Variants in PTPRN2 observed in about 807,000 individuals in gnomAD.
PTPRN2 encodes protein tyrosine phosphatase receptor type N2.
A neutral mutation model predicts 118.8 loss-of-function variants in PTPRN2; 74 were observed. That is an observed-to-expected ratio of 0.62 (90% CI 0.52 to 0.76). The LOEUF (loss-of-function observed/expected upper bound fraction) is 0.76. Among genes scored for constraint, PTPRN2 ranks in the 30% least tolerant of loss-of-function variants. The pLI is 0.00. For missense variants in PTPRN2, 1,481 were observed against 1,394.4 expected (o/e 1.06, Z -0.99); for synonymous variants, 641 against 608.0 (o/e 1.05, Z -0.80).
chr7:157,721,051 G>C (rs1369226754), intron 12 of PTPRN2, among the ~76,000 whole-genome samples: 1 of 152,202 alleles, frequency 6.6e-6, no homozygotes, highest in Non-Finnish European at 1.5e-5. Context: ...GACTATCACA[G>C]CCGCTCAGGA....
chr7:158,209,830 CTG>C (rs757186236), intron 3 of PTPRN2, among the ~76,000 whole-genome samples: 11 of 152,112 alleles, frequency 7.2e-5, no homozygotes, highest in South Asian at 4.1e-4. Flanking sequence ...CAAAAACAAA[CTG>C]AAATTATATC....
chr7:157,796,076 C>G (rs561116951), intron 12 of PTPRN2, among the ~76,000 whole-genome samples: 1 of 152,196 alleles, frequency 6.6e-6, no homozygotes, highest in Admixed American at 6.5e-5. Context: ...CGTTCCAGGA[C>G]GTGAGATACG....
intron 12 of PTPRN2, among the ~76,000 whole-genome samples, chr7:157,773,015 C>T (rs1209648752): frequency 6.6e-6 from 1 of 152,152 alleles, no homozygotes; most frequent in East Asian, 1.9e-4. Context: ...AGTGATACAA[C>T]CAGCTTCCCA....
At chr7:158,283,792 A>G (rs1799592212) in intron 3 of PTPRN2, among the ~76,000 whole-genome samples, 1 of 151,986 alleles carries the variant, frequency 6.6e-6, no homozygotes, top group East Asian at 1.9e-4. Flanking sequence ...CCCCTCCCTA[A>G]TGGCCTCCTG....
intron 17 of PTPRN2, among the ~76,000 whole-genome samples, chr7:157,588,536 A>T (rs1053408623): frequency 1.3e-5 from 2 of 152,218 alleles, no homozygotes; most frequent in East Asian, 3.9e-4. Context: ...CTGGGGACGC[A>T]CTGTGGGGCC....
In PTPRN2 at chr7:157,986,248, G is replaced by C. The variant is rs1168286671; in HGVS notation, c.1724-87511C>G. Among the ~76,000 whole-genome samples the C allele has an allele frequency of 1.3e-5, 2 of 152,184 alleles. No individual in the cohort carries two copies. The highest frequency in any genetic ancestry group is 4.8e-5 in the African/African-American group (2 of 41,434). On this transcript the variant is annotated intron_variant, in intron 11 of 22. Transcript: ENST00000389418. This position sits in a 1 kb window ranked among gnomAD's most constrained non-coding sequence, Gnocchi z 4.5. ...GTCTGCCTCTGACGAGTCACTGTTG[G>C]ATGTGAGGCAACGTGAAGGCTCCAC...
rs146376557 is a variant in PTPRN2 at position 157,587,793 on chromosome 7, T to C, written c.2496+7445A>G. Reference sequence around the variant, plus strand: ...GGAGAGGCAAGGCTGAACTTTGGAGTTGTCCTCTTGGCTGAGCCTCCCATA... The same window carrying C: ...GGAGAGGCAAGGCTGAACTTTGGAGCTGTCCTCTTGGCTGAGCCTCCCATA... On this transcript the variant is annotated intron_variant, in intron 17 of 22. Transcript: ENST00000389418. The surrounding 1 kb of genome is among the most constrained non-coding windows in gnomAD (Gnocchi z 5.3). Among the ~76,000 whole-genome samples the C allele has an allele frequency of 2.6e-3, 403 of 152,216 alleles. 3 individuals carry two copies. The highest frequency in any genetic ancestry group is 9.2e-3 in the African/African-American group (383 of 41,526).
intron 14 of PTPRN2, among the ~76,000 whole-genome samples, chr7:157,625,141 A>G (rs1234720741): frequency 6.6e-6 from 1 of 152,262 alleles, no homozygotes; most frequent in Non-Finnish European, 1.5e-5. Context: ...GGGAATGTAA[A>G]CTAGTACAGC....
rs1417534118 is a variant in PTPRN2, at chr7:158,149,001, C to T, written c.911-10486G>A. Reference sequence around the variant, plus strand: ...CCATCTCACGCCACACATCTTTCCCCCTCAATGACATCCCATCTCACGCCA... The same window carrying T: ...CCATCTCACGCCACACATCTTTCCCTCTCAATGACATCCCATCTCACGCCA... On this transcript the variant is annotated intron_variant, in intron 6 of 22. Coordinates refer to ENST00000389418, the MANE Select transcript of PTPRN2 (RefSeq NM_002847.5). Among the ~76,000 whole-genome samples, 260 of 131,728 alleles carry T rather than the reference C, an allele frequency of 2.0e-3. 1 individual carries two copies. The highest frequency in any genetic ancestry group is 8.4e-3 in the African/African-American group (244 of 29,058). 86.4% of individuals were successfully genotyped at this position (131,728 alleles called of 152,430 possible).
intron 11 of PTPRN2, among the ~76,000 whole-genome samples, chr7:157,994,761 T>C (rs1287870645): frequency 0.15 from 665 of 4,524 alleles, 224 homozygotes; most frequent in East Asian, 0.33. Context: ...AAATCAACGC[T>C]GCGTCCCCAG....
intron 12 of PTPRN2, among the ~76,000 whole-genome samples, chr7:157,699,676 C>T (rs1403945044): frequency 6.6e-6 from 1 of 152,188 alleles, no homozygotes; most frequent in African/African-American, 2.4e-5. Context: ...GGTCTGCCCA[C>T]CTTGAGCCTC....
At chr7:157,719,699 G>A (rs1222486990) in intron 12 of PTPRN2, among the ~76,000 whole-genome samples, 3 of 152,168 alleles carry the variant, frequency 2.0e-5, no homozygotes, top group Non-Finnish European at 2.9e-5. Context: ...GAGTGGGCTC[G>A]GCCCGCGGGA....
At chr7:157,800,824 C>T (rs1312552529) in intron 12 of PTPRN2, among the ~76,000 whole-genome samples, 6 of 151,772 alleles carry the variant, frequency 4.0e-5, no homozygotes, top group South Asian at 4.2e-4. Context: ...TGGTGGCGGG[C>T]ACCTGTAGTC....
In PTPRN2 at chr7:157,560,464, C is replaced by T. The variant is rs967184738; in HGVS notation, c.2902+8438G>A. 1.3e-5 allele frequency among the ~76,000 whole-genome samples: 2 copies of T among 152,288 alleles called. No homozygotes were observed. Among genetic ancestry groups the T allele is most frequent in the South Asian group, 2.1e-4 (1 of 4,830 alleles). On this transcript the variant is annotated intron_variant, in intron 21 of 22. Coordinates refer to ENST00000389418, the MANE Select transcript of PTPRN2 (RefSeq NM_002847.5). The surrounding 1 kb of genome is among the most constrained non-coding windows in gnomAD (Gnocchi z 6.7). ...TGCCCTGCCTGGGTGGGGTCAGCCA[C>T]GCCCCCGGACCACTGCTCCAACCAG...
At position 158,555,590 on chromosome 7, in the gene PTPRN2, C is replaced by A. The variant is rs1291233982; in HGVS notation, c.112+31968G>T. Among the ~76,000 whole-genome samples, 1 of 152,244 alleles carries A rather than the reference C, an allele frequency of 6.6e-6. No homozygotes were observed. Among genetic ancestry groups the A allele is most frequent in the Non-Finnish European group, 1.5e-5 (1 of 68,054 alleles). ...GAATATATTTCCACTCAACTGGCATCTTCCAGCTGTCCCCCAGACCCAGCC... is the reference window on the plus strand; with the variant it reads ...GAATATATTTCCACTCAACTGGCATATTCCAGCTGTCCCCCAGACCCAGCC... On this transcript the variant is annotated intron_variant, in intron 1 of 22. Transcript: ENST00000389418. This position sits in a 1 kb window ranked among gnomAD's most constrained non-coding sequence, Gnocchi z 4.7.
chr7:158,325,058 T>C (rs1190908639), intron 2 of PTPRN2, among the ~76,000 whole-genome samples: 3 of 148,586 alleles, frequency 2.0e-5, no homozygotes, highest in Middle Eastern at 3.5e-3. Flanking sequence ...TCCCCACAAT[T>C]ATCCACAGAG....
rs1391446111 is a variant in PTPRN2 at position 157,690,980 on chromosome 7, G to C, written c.1789-8043C>G. Among the ~76,000 whole-genome samples, 3 of 145,062 alleles carry C rather than the reference G, an allele frequency of 2.1e-5. No individual in the cohort carries two copies. Among genetic ancestry groups the C allele is most frequent in the African/African-American group, 7.5e-5 (3 of 39,904 alleles). ...GCGCGTAGCACCAACCAGCGCGGCC[G>C]CCGCGCCCCGCCTTATATCCGGCCC... is the stretch of plus-strand genomic sequence containing the variant. On this transcript the variant is annotated intron_variant, in intron 12 of 22. Transcript: ENST00000389418. The surrounding 1 kb of genome is among the most constrained non-coding windows in gnomAD (Gnocchi z 7.1).
chr7:158,275,320 C>T (rs963199525), intron 3 of PTPRN2, among the ~76,000 whole-genome samples: 5 of 152,332 alleles, frequency 3.3e-5, no homozygotes, highest in South Asian at 2.1e-4. Flanking sequence ...TGGGAAGGCG[C>T]GCACCTCCTC....
At chr7:157,816,767 C>T (rs1352041522) in intron 12 of PTPRN2, among the ~76,000 whole-genome samples, 1 of 152,144 alleles carries the variant, frequency 6.6e-6, no homozygotes, top group African/African-American at 2.4e-5. Flanking sequence ...CTGCCCTCTG[C>T]CCTGGCGTTG....
Sources: allele counts gnomAD v4.1 joint callset (sites outside exome capture counted in the v4.1 genomes callset), GRCh38; gene constraint gnomAD v4.1.1; non-coding constraint Gnocchi (gnomAD v3.1); transcripts MANE v1.5; gene names NCBI Gene and HGNC (gene_info 2026-07-23, HGNC 2026-07-21).